Variants in DAAM1 observed in about 807,000 individuals in gnomAD.
The protein encoded by DAAM1 is dishevelled associated activator of morphogenesis 1, also known as disheveled-associated activator of morphogenesis 1.
Under a neutral mutation model 130.0 loss-of-function variants are expected in DAAM1, and 52 were observed. The ratio of observed to expected loss-of-function variants is 0.40; its 90% confidence interval spans 0.32 to 0.50. The LOEUF (loss-of-function observed/expected upper bound fraction) is 0.50. Ranked by LOEUF, DAAM1 falls within the 20% of genes least tolerant of loss-of-function variation. The pLI is 0.61. For missense variants in DAAM1, 1,134 were observed against 1,303.8 expected (o/e 0.87, Z 2.01); for synonymous variants, 452 against 444.5 (o/e 1.02, Z -0.21).
At chr14:59,209,237 C>CCAGCCTGCAGGCTGTT (rs59376847) in intron 1 of DAAM1, among the ~76,000 whole-genome samples, 64,784 of 151,942 alleles carry the variant, frequency 0.43, 13,876 homozygotes, top group Non-Finnish European at 0.43. Flanking sequence ...TGCTGGATGG[C>CCAGCCTGCAGGCTGTT]ACCTTTTATG....
At chr14:59,241,364 A>G (rs1313435419) in intron 1 of DAAM1, among the ~76,000 whole-genome samples, 1 of 152,204 alleles carries the variant, frequency 6.6e-6, no homozygotes, top group Non-Finnish European at 1.5e-5. Context: ...GATACTTCCT[A>G]TTTCTTCCAG....
chr14:59,290,245 T>A (rs1883683160), intron 2 of DAAM1, among the ~76,000 whole-genome samples: 1 of 152,220 alleles, frequency 6.6e-6, no homozygotes, highest in Admixed American at 6.5e-5. Flanking sequence ...TTATTAACAT[T>A]TATAAATTAC....
chr14:59,312,264 A>G (rs1262320817), intron 3 of DAAM1, among the ~76,000 whole-genome samples: 2 of 152,220 alleles, frequency 1.3e-5, no homozygotes, highest in African/African-American at 4.8e-5. Flanking sequence ...ACTCTGGAAC[A>G]GTATCATTAT....
At chr14:59,277,194 T>C (rs1040551710) in intron 2 of DAAM1, among the ~76,000 whole-genome samples, 1 of 152,224 alleles carries the variant, frequency 6.6e-6, no homozygotes, top group Non-Finnish European at 1.5e-5. Flanking sequence ...GTCTTTCAAC[T>C]CATTCAAGAC....
At chr14:59,275,436 TA>T (rs550683147) in intron 2 of DAAM1, among the ~76,000 whole-genome samples, 33 of 150,596 alleles carry the variant, frequency 2.2e-4, no homozygotes, top group South Asian at 8.4e-4. Context: ...ACTTAAAAGT[TA>T]AAAAAAAAAT....
chr14:59,213,037 C>A (rs1053658371), intron 1 of DAAM1, among the ~76,000 whole-genome samples: 1 of 152,014 alleles, frequency 6.6e-6, no homozygotes, highest in African/African-American at 2.4e-5. Context: ...CCCCCCATTC[C>A]ACACACCACC....
chr14:59,306,070 C>T (rs75893652), intron 3 of DAAM1, among the ~76,000 whole-genome samples: 3,554 of 111,742 alleles, frequency 0.032, 223 homozygotes, highest in Admixed American at 0.18. Context: ...AGTTAATGAA[C>T]ACTTGACTGT....
chr14:59,240,408 G>A (rs1189591760), intron 1 of DAAM1, among the ~76,000 whole-genome samples: 3 of 152,228 alleles, frequency 2.0e-5, no homozygotes, highest in African/African-American at 7.2e-5. Context: ...ATGAATCAGG[G>A]TTCTTCAAAT....
Position 59,370,174 on chromosome 14 carries a change from T to C in DAAM1, c.*1315T>C, listed in dbSNP as rs1887109260. 1 of 147,174 alleles carries C rather than the reference T, an allele frequency of 6.8e-6. No homozygotes were observed. The highest frequency in any genetic ancestry group is 1.5e-5 in the Non-Finnish European group (1 of 66,552). The allele number at this position is 147,174 out of a possible 1,614,324, so 9.1% of individuals were successfully genotyped here. On this transcript the variant is annotated 3_prime_UTR_variant, in exon 25 of 25. Transcript: ENST00000360909. ...TTTTTTTTTTTTTTTTTTTTTTGGC[T>C]TTGCTTTATTTATTTGTAGTTGGGG... is the stretch of plus-strand genomic sequence containing the variant.
intron 1 of DAAM1, among the ~76,000 whole-genome samples, chr14:59,238,952 A>C (rs960533881): frequency 6.6e-6 from 1 of 152,238 alleles, no homozygotes; most frequent in Non-Finnish European, 1.5e-5. Context: ...GCTGACAGGC[A>C]ATGCAGAATA....
chr14:59,362,034 T>TC (rs1886724086), intron 22 of DAAM1, among the ~76,000 whole-genome samples: 1 of 149,106 alleles, frequency 6.7e-6, no homozygotes, highest in Non-Finnish European at 1.5e-5. Context: ...TTTTTTTTTT[T>TC]AATGTAGGGA....
chr14:59,267,494 A>C (rs776676572), intron 2 of DAAM1, among the ~76,000 whole-genome samples: 2 of 152,164 alleles, frequency 1.3e-5, no homozygotes, highest in Non-Finnish European at 1.5e-5. Context: ...TAACTTAAAA[A>C]AAAAAACAAA....
chr14:59,331,130 G>C, intron 13 of DAAM1, 79 bp from the exon 14 acceptor site: 1 of 1,545,294 alleles, frequency 6.5e-7, no homozygotes, highest in East Asian at 2.3e-5. Flanking sequence ...AACATTTTAG[G>C]CCAAGTTACA....
Position 59,315,164 on chromosome 14 carries a change from C to T in DAAM1, c.274-116C>T, listed in dbSNP as rs112856390. 4.6e-5 allele frequency: 41 copies of T among 889,314 alleles called. 1 individual carries two copies. The highest frequency in any genetic ancestry group is 2.5e-4 in the African/African-American group (15 of 61,206). The allele number at this position is 889,314 out of a possible 1,614,324, so 55.1% of individuals were successfully genotyped here. A position where few individuals can be genotyped will look rare whatever the true frequency, so the allele number is the denominator to read the frequency against. On this transcript the variant is annotated intron_variant, in intron 3 of 24. Transcript: ENST00000360909. The stretch of plus-strand genomic sequence containing the variant: ...TTTAAAAATAAATACGTCATACCTT[C>T]GTGTCTTCTAAAGGCTTGAGTGGGT...
chr14:59,238,314 A>C (rs1267654548), intron 1 of DAAM1, among the ~76,000 whole-genome samples: 1 of 152,170 alleles, frequency 6.6e-6, no homozygotes, highest in Non-Finnish European at 1.5e-5. Context: ...TTTTCAAAAA[A>C]AACGTCTGAG....
intron 2 of DAAM1, among the ~76,000 whole-genome samples, chr14:59,289,784 A>ATATATATATATATATATATATAGATATAT: frequency 7.8e-6 from 1 of 128,778 alleles, no homozygotes; most frequent in Non-Finnish European, 1.7e-5. Context: ...ATATATATAT[A>ATATATATATATATATATATATAGATATAT]ATGGAATGCT....
chr14:59,233,647 C>T (rs1889189465), intron 1 of DAAM1, among the ~76,000 whole-genome samples: 2 of 152,110 alleles, frequency 1.3e-5, no homozygotes, highest in Non-Finnish European at 2.9e-5. Flanking sequence ...TAATTAGATC[C>T]CATTTATCAA....
intron 3 of DAAM1, among the ~76,000 whole-genome samples, chr14:59,301,235 C>T (rs376889635): frequency 8.5e-5 from 13 of 152,120 alleles, no homozygotes; most frequent in African/African-American, 3.1e-4. Context: ...ATATAAAGTG[C>T]TCATTAAAAA....
intron 1 of DAAM1, among the ~76,000 whole-genome samples, chr14:59,261,897 G>A (rs1297711481): frequency 6.6e-6 from 1 of 152,140 alleles, no homozygotes; most frequent in Non-Finnish European, 1.5e-5. Flanking sequence ...GTTAAATGTT[G>A]ACAAACTTGA....
Sources: allele counts gnomAD v4.1 joint callset (sites outside exome capture counted in the v4.1 genomes callset), GRCh38; gene constraint gnomAD v4.1.1; transcripts MANE v1.5; gene names NCBI Gene and HGNC (gene_info 2026-07-23, HGNC 2026-07-21).